ARMC9: variants seen among roughly 807,000 people sequenced by gnomAD.
The protein encoded by ARMC9 is lisH domain-containing protein ARMC9.
ARMC9 carries 94 observed loss-of-function variants against 107.0 expected under a neutral mutation model. That is an observed-to-expected ratio of 0.88 (90% CI 0.74 to 1.04). The LOEUF (loss-of-function observed/expected upper bound fraction) is 1.04, where lower values mean the gene tolerates loss of function less well. Among genes scored for constraint, ARMC9 ranks in the 50% least tolerant of loss-of-function variants. The pLI, the probability that ARMC9 is intolerant of heterozygous loss-of-function variation, is 0.00. For synonymous variants in ARMC9, 380 were observed against 396.9 expected, an observed-to-expected ratio of 0.96 and a Z score of 0.51; for missense variants, 942 against 1,030.1, an observed-to-expected ratio of 0.91 and a Z score of 1.17.
rs1213658755 is a variant in ARMC9 at position 231,221,536 on chromosome 2, A to G, written c.505-1192A>G. On this transcript the variant is annotated intron_variant, in intron 5 of 24. Transcript: ENST00000611582. ...GAATTACACAATTTTTTAAAAATAT[A>G]AGAACTCTCTGGTCGGGCATGGTGG... 2.6e-5 allele frequency among the ~76,000 whole-genome samples: 4 copies of G among 152,028 alleles called. 1 individual carries two copies. Among genetic ancestry groups the G allele is most frequent in the Admixed American group, 2.0e-4 (3 of 15,258 alleles).
intron 5 of ARMC9, among the ~76,000 whole-genome samples, chr2:231,217,303 G>A (rs1241461043): frequency 2.0e-5 from 3 of 152,182 alleles, no homozygotes; most frequent in African/African-American, 7.2e-5. Flanking sequence ...CAGAAAGTTG[G>A]CTGAGCACGG....
rs769808996 is a variant in ARMC9, at chr2:231,296,213, G to T, written c.1733G>T (p.Gly578Val). Residue 578 changes from glycine (G) to valine (V), a missense_variant, in exon 19 of 25, where the codon GGT becomes GTT. Transcript: ENST00000611582. ...KQLNSEELPD[G>V]VLESDDDEDE... ...TTCTTTATAGAAGAGCTACCAGATG[G>T]TGTTCTTGAATCTGATGATGATGAA... 27 of 1,613,250 alleles carry T rather than the reference G, an allele frequency of 1.7e-5. 1 individual carries two copies. The East Asian group carries it at 6.0e-4, about 36-fold the overall frequency.
chr2:231,347,554 G>A (rs1433873586), intron 21 of ARMC9, among the ~76,000 whole-genome samples: 1 of 152,174 alleles, frequency 6.6e-6, no homozygotes, highest in Non-Finnish European at 1.5e-5. Context: ...AATGCTGGGG[G>A]TCTTAGACAT....
chr2:231,270,419 T>G (rs1462454112), intron 12 of ARMC9: 2 of 350,248 alleles, frequency 5.7e-6, no homozygotes, highest in African/African-American at 2.2e-5. Flanking sequence ...TTATTTTTCT[T>G]CAGCTCTTAA....
At chr2:231,262,279 C>T in intron 11 of ARMC9, 27 bp from the exon 12 acceptor site, 1 of 1,608,938 alleles carries the variant, frequency 6.2e-7, no homozygotes, top group East Asian at 2.2e-5. Flanking sequence ...ACTTAGGTCT[C>T]ACTACTTTTG....
chr2:231,344,985 A>C lies in ARMC9; in HGVS notation c.1889A>C (p.Asn630Thr). ...CTTTCCTTCCACCAGATCATGACCA[A>C]CACGGGGAAGACAAGGCGGAAGGGG... ...LTTEYLGIMT[N>T]TGKTRRKGLA... is the part of the protein sequence containing the mutation. The change falls in exon 21 of 25, where the codon AAC (asparagine) becomes ACC (threonine). Residue 630 changes from asparagine to threonine, a missense_variant. Asn to Thr is a moderately conservative substitution (Grantham distance 65). Coordinates refer to ENST00000611582, the MANE Select transcript of ARMC9 (RefSeq NM_001352754.2). The C allele has an allele frequency of 6.2e-7, 1 of 1,614,070 alleles. No individual in the cohort carries two copies. The highest frequency in any genetic ancestry group is 8.5e-7 in the Non-Finnish European group (1 of 1,180,018).
At position 231,203,076 on chromosome 2, in the gene ARMC9, CG is replaced by C. The variant is rs561281752; in HGVS notation, c.-41-3120del. On this transcript the variant is annotated intron_variant, in intron 1 of 24. Coordinates refer to ENST00000611582, the MANE Select transcript of ARMC9 (RefSeq NM_001352754.2). The stretch of plus-strand genomic sequence containing the variant: ...AGGAGAGTGTGGCTCTGACCTAACT[CG>C]GTCGGAAGTCCCTCCCAGGTTTGAA... Among the ~76,000 whole-genome samples, 407 of 152,194 alleles carry C rather than the reference CG, an allele frequency of 2.7e-3. 4 individuals are homozygous for C. Among genetic ancestry groups the C allele is most frequent in the African/African-American group, 9.3e-3 (388 of 41,524 alleles).
intron 21 of ARMC9, among the ~76,000 whole-genome samples, chr2:231,352,179 C>T (rs1384709971): frequency 3.3e-5 from 5 of 152,144 alleles, no homozygotes; most frequent in African/African-American, 1.2e-4. Flanking sequence ...GTTGCCTAGT[C>T]TTGAACTCCT....
Position 231,240,052 on chromosome 2 carries a change from G to T in ARMC9, c.879+11G>T. The T allele has an allele frequency of 1.9e-6, 3 of 1,608,004 alleles. No individual in the cohort carries two copies. The highest frequency in any genetic ancestry group is 1.7e-6 in the Non-Finnish European group (2 of 1,175,804). On this transcript the variant is annotated intron_variant, in intron 9 of 24. Transcript: ENST00000611582. ...ACGAGGCCTGGGACGGTGAGGCTCT[G>T]CGCTCAGGGCAGGGTGCCCGTGGTC...
chr2:231,267,762 A>G (rs2038981677), intron 12 of ARMC9, among the ~76,000 whole-genome samples: 1 of 152,196 alleles, frequency 6.6e-6, no homozygotes, highest in African/African-American at 2.4e-5. Context: ...TCGTTTCACC[A>G]GTCATTTTGT....
chr2:231,288,003 A>G (rs1487814848), intron 17 of ARMC9, among the ~76,000 whole-genome samples: 1 of 152,168 alleles, frequency 6.6e-6, no homozygotes, highest in Non-Finnish European at 1.5e-5. Context: ...GTGTTCCACC[A>G]CTTCCTAGTT....
At chr2:231,330,139 T>C (rs543463044) in intron 19 of ARMC9, among the ~76,000 whole-genome samples, 3 of 152,300 alleles carry the variant, frequency 2.0e-5, no homozygotes, top group Non-Finnish European at 2.9e-5. Context: ...TAGCATACAA[T>C]GTGGACTACT....
At chr2:231,222,885 G>A (rs144347714) in intron 6 of ARMC9, 65 bp downstream of exon 6, 41 of 1,064,884 alleles carry the variant, frequency 3.9e-5, no homozygotes, top group African/African-American at 8.0e-5. Flanking sequence ...AGAGTTGCAC[G>A]CTGGCTTAGG....
In ARMC9 at chr2:231,256,597, G is replaced by A. The variant is rs753378948; in HGVS notation, c.891G>A (p.Met297Ile). 6.2e-7 allele frequency: 1 copy of A among 1,613,892 alleles called. No homozygotes were observed. Among genetic ancestry groups the A allele is most frequent in the East Asian group, 2.2e-5 (1 of 44,886 alleles). ...CCTCTTCCCCCCAGGCATCCACCAT[G>A]TTACGAGCCTCCTTGGCACCCGTGT... ...DFTRPGTAST[M>I]LRASLAPVKL... Residue 297 changes from methionine to isoleucine, a missense_variant, in exon 10 of 25, where the codon ATG (methionine) becomes ATA (isoleucine). Coordinates refer to ENST00000611582, the MANE Select transcript of ARMC9 (RefSeq NM_001352754.2).
intron 12 of ARMC9, among the ~76,000 whole-genome samples, chr2:231,262,718 G>A (rs2038490095): frequency 6.6e-6 from 1 of 152,120 alleles, no homozygotes. Flanking sequence ...GACAAGGTAG[G>A]TAAGCAAATT....
chr2:231,312,114 C>T (rs2042386752), intron 19 of ARMC9, among the ~76,000 whole-genome samples: 1 of 152,202 alleles, frequency 6.6e-6, no homozygotes, highest in Non-Finnish European at 1.5e-5. Context: ...TGTGGGTTGG[C>T]TTGGCAGGTC....
intron 19 of ARMC9, among the ~76,000 whole-genome samples, chr2:231,328,321 G>A (rs954697459): frequency 6.6e-6 from 1 of 152,026 alleles, no homozygotes; most frequent in African/African-American, 2.4e-5. Flanking sequence ...TGAATATGTG[G>A]TTTCCAAATA....
At chr2:231,260,307 C>T (rs999474772) in intron 11 of ARMC9, among the ~76,000 whole-genome samples, 10 of 152,162 alleles carry the variant, frequency 6.6e-5, no homozygotes, top group African/African-American at 9.7e-5. Context: ...TGTGACCTTG[C>T]AGACCTGCTA....
chr2:231,326,126 C>G (rs2043302314), intron 19 of ARMC9, among the ~76,000 whole-genome samples: 1 of 152,228 alleles, frequency 6.6e-6, no homozygotes, highest in Admixed American at 6.5e-5. Context: ...CCTGTACCTC[C>G]TCAGAAACAG....
Sources: allele counts gnomAD v4.1 joint callset (sites outside exome capture counted in the v4.1 genomes callset), GRCh38; gene constraint gnomAD v4.1.1; transcripts MANE v1.5; gene names NCBI Gene and HGNC (gene_info 2026-07-23, HGNC 2026-07-21).